Variants in SPATA6 observed in about 807,000 individuals in gnomAD.
The protein encoded by SPATA6 is spermatogenesis associated 6.
A neutral mutation model predicts 65.3 loss-of-function variants in SPATA6; 56 were observed. That is an observed-to-expected ratio of 0.86 (90% CI 0.69 to 1.07). The LOEUF is 1.07. SPATA6 is among the 50% of genes least tolerant of loss of function. The pLI, the probability that SPATA6 is intolerant of heterozygous loss-of-function variation, is 0.00. For synonymous variants in SPATA6, 199 were observed against 213.2 expected (o/e 0.93, Z 0.58); for missense variants, 590 against 594.8 (o/e 0.99, Z 0.08).
chr1:48,388,191 A>G (rs1357028580), intron 8 of SPATA6, among the ~76,000 whole-genome samples: 2 of 152,158 alleles, frequency 1.3e-5, no homozygotes, highest in East Asian at 1.9e-4. Flanking sequence ...TAGTAATTGC[A>G]CACTAAGCCA....
At chr1:48,283,627 C>T in the SPATA6 span, among the ~76,000 whole-genome samples, 608 of 134,514 alleles carry the variant, frequency 4.5e-3, 4 homozygotes, top group African/African-American at 0.016. Flanking sequence ...TGCAGTAAGT[C>T]GAGATCACGC....
chr1:48,372,101 C>G (rs1226593411), intron 9 of SPATA6, among the ~76,000 whole-genome samples: 1 of 152,116 alleles, frequency 6.6e-6, no homozygotes, highest in Non-Finnish European at 1.5e-5. Flanking sequence ...CATTTCAAAA[C>G]CAATCATGCC....
intron 11 of SPATA6, among the ~76,000 whole-genome samples, chr1:48,340,451 A>G (rs1383370440): frequency 2.0e-5 from 3 of 151,600 alleles, no homozygotes; most frequent in Non-Finnish European, 4.4e-5. Flanking sequence ...ATAACTTTAA[A>G]GAGGAAGGAA....
intron 1 of SPATA6, among the ~76,000 whole-genome samples, chr1:48,462,634 G>C (rs140597850): frequency 1.3e-5 from 2 of 152,160 alleles, no homozygotes; most frequent in Non-Finnish European, 1.5e-5. Context: ...ATGACAGATA[G>C]AGCCATACAT....
intron 3 of SPATA6, among the ~76,000 whole-genome samples, chr1:48,437,480 G>A (rs182000914): frequency 1.3e-5 from 2 of 152,246 alleles, no homozygotes; most frequent in African/African-American, 4.8e-5. Context: ...TTTCTAAGCT[G>A]TGACTAACTC....
intron 11 of SPATA6, chr1:48,325,331 C>G: frequency 7.8e-7 from 1 of 1,289,942 alleles, no homozygotes; most frequent in Non-Finnish European, 1.1e-6. Context: ...GGCACAGGCC[C>G]CCGTAGAGTC....
chr1:48,433,447 T>G (rs955160705), intron 3 of SPATA6, among the ~76,000 whole-genome samples: 2 of 152,192 alleles, frequency 1.3e-5, no homozygotes, highest in African/African-American at 4.8e-5. Context: ...TTTGTAACTG[T>G]CTACTATCTT....
At chr1:48,439,461 C>T (rs1655255093) in intron 3 of SPATA6, among the ~76,000 whole-genome samples, 1 of 150,974 alleles carries the variant, frequency 6.6e-6, no homozygotes, top group African/African-American at 2.4e-5. Context: ...GGGACCATTG[C>T]AGGTTCTTGG....
At chr1:48,431,261 A>T (rs951607870) in intron 3 of SPATA6, among the ~76,000 whole-genome samples, 7 of 152,196 alleles carry the variant, frequency 4.6e-5, no homozygotes, top group Non-Finnish European at 7.3e-5. Context: ...GATCATAAAA[A>T]TACATGAAAC....
chr1:48,397,703 AT>A (rs986754744), intron 7 of SPATA6, among the ~76,000 whole-genome samples: 1 of 151,690 alleles, frequency 6.6e-6, no homozygotes, highest in African/African-American at 2.4e-5. Flanking sequence ...AGGAAAAAAA[AT>A]CTCTATGTTT....
At chr1:48,306,497 C>T (rs531444888) in intron 11 of SPATA6, among the ~76,000 whole-genome samples, 1 of 151,982 alleles carries the variant, frequency 6.6e-6, no homozygotes, top group East Asian at 1.9e-4. Flanking sequence ...GAAGAGATGG[C>T]TTTGTTAACT....
At chr1:48,291,395 C>T (rs1257168012), downstream of SPATA6, among the ~76,000 whole-genome samples, 28 of 151,958 alleles carry the variant, frequency 1.8e-4, 1 homozygote, top group South Asian at 5.4e-3. Context: ...TCGGGCTGGG[C>T]TTGCTGCAGC....
chr1:48,365,061 T>C (rs1646953470), intron 9 of SPATA6, among the ~76,000 whole-genome samples: 3 of 152,226 alleles, frequency 2.0e-5, no homozygotes, highest in Admixed American at 2.0e-4. Flanking sequence ...AGGGAATCCT[T>C]TCCCCATTGC....
intron 11 of SPATA6, 54 bp from the exon 12 acceptor site, chr1:48,305,932 A>G: frequency 7.4e-7 from 1 of 1,349,108 alleles, no homozygotes; most frequent in Non-Finnish European, 1.0e-6. Context: ...CCCCAAAATG[A>G]TGCATATGTT....
intron 5 of SPATA6, among the ~76,000 whole-genome samples, chr1:48,410,711 T>A (rs186720361): frequency 1.3e-5 from 2 of 152,254 alleles, no homozygotes; most frequent in East Asian, 3.9e-4. Flanking sequence ...AGAAAATGTG[T>A]GTGCAGCAGG....
At chr1:48,374,649 C>T (rs72893269) in intron 9 of SPATA6, among the ~76,000 whole-genome samples, 2,207 of 152,286 alleles carry the variant, frequency 0.014, 53 homozygotes, top group African/African-American at 0.05. Flanking sequence ...TTCCAAACAA[C>T]AGATTCTGAA....
intron 3 of SPATA6, among the ~76,000 whole-genome samples, chr1:48,424,391 T>G (rs1387140928): frequency 1.3e-5 from 2 of 152,258 alleles, no homozygotes; most frequent in Non-Finnish European, 1.5e-5. Flanking sequence ...TTAATTCATC[T>G]GTTGATGGAC....
chr1:48,304,841 G>T (rs1645023174), intron 12 of SPATA6, among the ~76,000 whole-genome samples: 1 of 152,086 alleles, frequency 6.6e-6, no homozygotes, highest in South Asian at 2.1e-4. Flanking sequence ...CCAAAATCGG[G>T]ATGCTAATCC....
In SPATA6 at chr1:48,446,285, C is replaced by G. The variant is rs574615592; in HGVS notation, c.238+5267G>C. Among the ~76,000 whole-genome samples the G allele has an allele frequency of 1.4e-3, 213 of 152,290 alleles. 1 individual carries two copies. Among genetic ancestry groups the G allele is most frequent in the African/African-American group, 4.9e-3 (202 of 41,570 alleles). On this transcript the variant is annotated intron_variant, in intron 3 of 12. Coordinates refer to ENST00000371847, the MANE Select transcript of SPATA6 (RefSeq NM_019073.4). ...CGTGCCAGTGGTATATACTGAAAAT[C>G]TGCCCTCTGGAACTTGCCAGAAATT...
Sources: allele counts gnomAD v4.1 joint callset (sites outside exome capture counted in the v4.1 genomes callset), GRCh38; gene constraint gnomAD v4.1.1; transcripts MANE v1.5; gene names NCBI Gene and HGNC (gene_info 2026-07-23, HGNC 2026-07-21).